The following ATRNL1 variants were observed in gnomAD, a reference collection of about 807,000 sequenced individuals.
The protein encoded by ATRNL1 is attractin-like protein 1.
A neutral mutation model predicts 182.7 loss-of-function variants in ATRNL1; 95 were observed. The ratio of observed to expected loss-of-function variants is 0.52; its 90% CI spans 0.44 to 0.62. The LOEUF is 0.62. ATRNL1 is among the 20% of genes least tolerant of loss of function. ATRNL1 has a pLI of 0.00. For missense variants in ATRNL1, 1,471 were observed against 1,679.5 expected (o/e 0.88, Z 2.17); for synonymous variants, 576 against 568.3 (o/e 1.01, Z -0.19).
At chr10:115,533,804 T>A (rs1287853379) in intron 25 of ATRNL1, among the ~76,000 whole-genome samples, 3 of 151,236 alleles carry the variant, frequency 2.0e-5, no homozygotes, top group Non-Finnish European at 4.4e-5. Flanking sequence ...GTATGTTGTG[T>A]CTTTGTTCTC....
intron 27 of ATRNL1, among the ~76,000 whole-genome samples, chr10:115,744,815 T>C (rs1169253173): frequency 3.9e-5 from 6 of 152,172 alleles, no homozygotes; most frequent in Non-Finnish European, 8.8e-5. Flanking sequence ...TCTTGAATTG[T>C]GAGGGCAATA....
chr10:115,733,027 A>T (rs1947846474), intron 27 of ATRNL1, among the ~76,000 whole-genome samples: 1 of 152,138 alleles, frequency 6.6e-6, no homozygotes, highest in Non-Finnish European at 1.5e-5. Context: ...TCAGCACACA[A>T]GCTTTCTTTT....
intron 26 of ATRNL1, among the ~76,000 whole-genome samples, chr10:115,643,708 T>G (rs1280217858): frequency 6.6e-6 from 1 of 152,102 alleles, no homozygotes; most frequent in East Asian, 1.9e-4. Context: ...TCATTAGTCT[T>G]AGACAAATAC....
At chr10:115,305,212 A>G (rs1431803024) in intron 17 of ATRNL1, among the ~76,000 whole-genome samples, 3 of 151,698 alleles carry the variant, frequency 2.0e-5, no homozygotes, top group African/African-American at 4.8e-5. Flanking sequence ...TAGGCCTTTC[A>G]TCACTCTCAG....
At chr10:115,742,838 T>C (rs531102024) in intron 27 of ATRNL1, among the ~76,000 whole-genome samples, 1 of 152,266 alleles carries the variant, frequency 6.6e-6, no homozygotes, top group East Asian at 1.9e-4. Context: ...CCCCAATGGC[T>C]TCTCTATTAG....
chr10:115,376,829 T>C (rs1857699956), intron 19 of ATRNL1, among the ~76,000 whole-genome samples: 1 of 152,240 alleles, frequency 6.6e-6, no homozygotes, highest in Non-Finnish European at 1.5e-5. Flanking sequence ...TCACATCTTC[T>C]GGTGATCCCA....
chr10:115,326,825 C>T (rs1455089112), intron 18 of ATRNL1, among the ~76,000 whole-genome samples: 1 of 152,114 alleles, frequency 6.6e-6, no homozygotes, highest in Non-Finnish European at 1.5e-5. Context: ...GAAAAACAAG[C>T]AATGGGGAAA....
chr10:115,851,125 T>TA (rs1951045103), intron 28 of ATRNL1, among the ~76,000 whole-genome samples: 1 of 151,938 alleles, frequency 6.6e-6, no homozygotes, highest in Non-Finnish European at 1.5e-5. Context: ...ACTAAAATTT[T>TA]TTTTTTATCA....
intron 1 of ATRNL1, among the ~76,000 whole-genome samples, chr10:115,106,126 T>C (rs1297642995): frequency 1.3e-5 from 2 of 152,186 alleles, no homozygotes; most frequent in Non-Finnish European, 2.9e-5. Context: ...CCCAAGACCA[T>C]GGGAACCCAC....
intron 26 of ATRNL1, among the ~76,000 whole-genome samples, chr10:115,726,124 TTAAA>T (rs1947588877): frequency 6.6e-6 from 1 of 151,824 alleles, no homozygotes; most frequent in Non-Finnish European, 1.5e-5. Flanking sequence ...AAACTTCTGC[TTAAA>T]TAAATAAACT....
chr10:115,434,050 T>G (rs184255932), intron 21 of ATRNL1, among the ~76,000 whole-genome samples: 1 of 152,162 alleles, frequency 6.6e-6, no homozygotes, highest in Admixed American at 6.5e-5. Context: ...GAGCCAGAGG[T>G]ATATAGTTCT....
chr10:115,700,562 G>T (rs1284342246), intron 26 of ATRNL1, among the ~76,000 whole-genome samples: 1 of 151,852 alleles, frequency 6.6e-6, no homozygotes, highest in Non-Finnish European at 1.5e-5. Context: ...TTTCCTTGTT[G>T]AATTGTTTAA....
chr10:115,171,010 T>G, intron 7 of ATRNL1, 27 bp from the exon 8 acceptor site: 1 of 1,277,654 alleles, frequency 7.8e-7, no homozygotes, highest in Non-Finnish European at 1.1e-6. Context: ...TTATTTTATC[T>G]ATTAATATAT....
At chr10:115,770,829 A>C (rs1399260023) in intron 27 of ATRNL1, among the ~76,000 whole-genome samples, 1 of 152,210 alleles carries the variant, frequency 6.6e-6, no homozygotes, top group Non-Finnish European at 1.5e-5. Context: ...ATTCTTTAAA[A>C]GAATTTATTG....
chr10:115,679,816 A>C (rs1565278407), intron 26 of ATRNL1, among the ~76,000 whole-genome samples: 1 of 152,092 alleles, frequency 6.6e-6, no homozygotes, highest in Non-Finnish European at 1.5e-5. Flanking sequence ...CAAGGCCTCA[A>C]ATTTTTGGAC....
intron 21 of ATRNL1, among the ~76,000 whole-genome samples, chr10:115,429,235 A>G (rs530940803): frequency 6.6e-6 from 1 of 152,162 alleles, no homozygotes. Flanking sequence ...ATATATAAAA[A>G]TAAAATTCGT....
chr10:115,401,733 A>G (rs1365802730), intron 20 of ATRNL1, among the ~76,000 whole-genome samples: 8 of 152,120 alleles, frequency 5.3e-5, no homozygotes, highest in Admixed American at 5.2e-4. Context: ...TTTGAAAAGG[A>G]AATAGTAATA....
chr10:115,145,719 A>G (rs1845942554), intron 5 of ATRNL1, among the ~76,000 whole-genome samples: 1 of 152,166 alleles, frequency 6.6e-6, no homozygotes, highest in Non-Finnish European at 1.5e-5. Context: ...ACTAAATCAT[A>G]AGACTATATC....
chr10:115,578,438 C>T (rs1202143728), intron 26 of ATRNL1, among the ~76,000 whole-genome samples: 2 of 151,610 alleles, frequency 1.3e-5, no homozygotes. Flanking sequence ...CTTTTTCTGT[C>T]ATTGGTCTTT....
Sources: allele counts gnomAD v4.1 joint callset (sites outside exome capture counted in the v4.1 genomes callset), GRCh38; gene constraint gnomAD v4.1.1; transcripts MANE v1.5; gene names NCBI Gene and HGNC (gene_info 2026-07-23, HGNC 2026-07-21).